Variants in SAMHD1 observed in about 807,000 individuals in gnomAD.
SAMHD1 encodes the protein deoxynucleoside triphosphate triphosphohydrolase SAMHD1.
SAMHD1 carries 54 observed loss-of-function variants against 79.6 expected under a neutral mutation model. The ratio of observed to expected loss-of-function variants is 0.68; its 90% confidence interval spans 0.55 to 0.85. The LOEUF is 0.85. Ranked by LOEUF, SAMHD1 falls within the 40% of genes least tolerant of loss-of-function variation. The pLI is 0.00. For missense variants in SAMHD1, 663 were observed against 782.7 expected (o/e 0.85, Z 1.82); for synonymous variants, 260 against 264.1 (o/e 0.98, Z 0.15).
rs867371686 is a variant in SAMHD1 at position 36,918,471 on chromosome 20, T to G, written c.852+893A>C. On this transcript the variant is annotated intron_variant, in intron 7 of 15. Coordinates refer to ENST00000646673, the MANE Select transcript of SAMHD1 (RefSeq NM_015474.4). ...ACATCTCCAAAAAAAAAAATTTTTT[T>G]TAATGAATAAAATACTGCATATATA... Among the ~76,000 whole-genome samples, 6 of 151,698 alleles carry G rather than the reference T, an allele frequency of 4.0e-5. No homozygotes were observed. In the South Asian group the frequency reaches 6.3e-4, roughly 16 times the overall value.
chr20:36,898,573 T>C (rs755418204), intron 13 of SAMHD1, 29 bp from the exon 14 acceptor site: 44 of 1,540,650 alleles, frequency 2.9e-5, no homozygotes, highest in Non-Finnish European at 1.7e-5. Context: ...CAAGTAATCA[T>C]ATAGCAAGCA....
intron 13 of SAMHD1, among the ~76,000 whole-genome samples, chr20:36,901,430 T>C (rs1161088140): frequency 1.3e-5 from 2 of 152,100 alleles, no homozygotes; most frequent in Non-Finnish European, 2.9e-5. Flanking sequence ...TGTCTCAAGA[T>C]AAACAAAAGT....
intron 15 of SAMHD1, among the ~76,000 whole-genome samples, chr20:36,896,609 G>A (rs1232679283): frequency 6.6e-5 from 10 of 151,950 alleles, no homozygotes; most frequent in Admixed American, 6.6e-4. Context: ...GGCCGAGGTG[G>A]GCGGATCACG....
chr20:36,894,183 T>C (rs1185539481), intron 15 of SAMHD1: 11 of 381,624 alleles, frequency 2.9e-5, no homozygotes, highest in African/African-American at 2.3e-4. Flanking sequence ...TTTTTTCTGT[T>C]GAACTACACT....
rs114850880 is a variant in SAMHD1, at chr20:36,926,710, A to C, written c.696+472T>G. Reference sequence around the variant, plus strand: ...ACCAACCTAATTTTACTTCTCAAAAATTGATTCCAAAATATGGGACAGCCA... The same window carrying C: ...ACCAACCTAATTTTACTTCTCAAAACTTGATTCCAAAATATGGGACAGCCA... On this transcript the variant is annotated intron_variant, in intron 6 of 15. Coordinates refer to ENST00000646673, the MANE Select transcript of SAMHD1 (RefSeq NM_015474.4). 4.6e-3 allele frequency among the ~76,000 whole-genome samples: 698 copies of C among 152,298 alleles called. 6 individuals are homozygous for C. Among genetic ancestry groups the C allele is most frequent in the African/African-American group, 0.016 (668 of 41,562 alleles).
intron 4 of SAMHD1, 59 bp from the exon 5 acceptor site, chr20:36,930,934 G>A (rs1246676160): frequency 2.6e-6 from 3 of 1,160,588 alleles, no homozygotes; most frequent in African/African-American, 1.5e-5. Flanking sequence ...GATAGTTCTG[G>A]TCCTCAAGAA....
intron 6 of SAMHD1, among the ~76,000 whole-genome samples, chr20:36,924,770 CAG>C (rs2063526692): frequency 6.6e-6 from 1 of 151,622 alleles, no homozygotes; most frequent in Admixed American, 6.6e-5. Flanking sequence ...AGTGTGGAAA[CAG>C]AACAGAATGC....
intron 13 of SAMHD1, among the ~76,000 whole-genome samples, chr20:36,900,042 C>T (rs973476798): frequency 2.0e-5 from 3 of 148,210 alleles, no homozygotes; most frequent in African/African-American, 7.5e-5. Flanking sequence ...TGCAGTGAGC[C>T]GAGATCGTGC....
chr20:36,892,391 GTT>G lies in SAMHD1; in HGVS notation c.*539_*540del, dbSNP rs1365440379. ...ACTCTTCACGGGGGCAGGATTTGATGTTTTGTTTTTAGCCATGTTTGTCAATG... is the reference window on the plus strand; with the variant it reads ...ACTCTTCACGGGGGCAGGATTTGATGTTGTTTTTAGCCATGTTTGTCAATG... On this transcript the variant is annotated 3_prime_UTR_variant, in exon 16 of 16. Transcript: ENST00000646673. 1 of 192,464 alleles carries G rather than the reference GTT, an allele frequency of 5.2e-6. No individual in the cohort carries two copies. Among genetic ancestry groups the G allele is most frequent in the Non-Finnish European group, 1.1e-5 (1 of 93,362 alleles). The allele number at this position is 192,464 out of a possible 1,614,324, so 11.9% of individuals were successfully genotyped here. A position where few individuals can be genotyped will look rare whatever the true frequency, so the allele number is the denominator to read the frequency against.
intron 4 of SAMHD1, among the ~76,000 whole-genome samples, chr20:36,932,526 G>A (rs1448922203): frequency 2.1e-5 from 3 of 140,604 alleles, no homozygotes; most frequent in Non-Finnish European, 4.5e-5. Flanking sequence ...CCTGATCTCA[G>A]CTCACTGCAA....
chr20:36,908,081 G>C (rs1188377992), intron 11 of SAMHD1, among the ~76,000 whole-genome samples: 2 of 151,656 alleles, frequency 1.3e-5, no homozygotes, highest in African/African-American at 2.4e-5. Flanking sequence ...TCACCATGTT[G>C]GTCAGGCTGG....
At chr20:36,940,825 T>C (rs757763959) in intron 3 of SAMHD1, 12 of 593,272 alleles carry the variant, frequency 2.0e-5, no homozygotes, top group African/African-American at 7.4e-5. Context: ...GGTCTACTTA[T>C]GCTTTTCTGT....
chr20:36,945,175 C>T (rs2146149367), intron 2 of SAMHD1, among the ~76,000 whole-genome samples: 1 of 152,272 alleles, frequency 6.6e-6, no homozygotes, highest in East Asian at 1.9e-4. Context: ...GTAGGTGGGA[C>T]TACAGGTGCA....
At chr20:36,914,306 C>T (rs1053641424) in intron 9 of SAMHD1, among the ~76,000 whole-genome samples, 2 of 152,024 alleles carry the variant, frequency 1.3e-5, no homozygotes, top group African/African-American at 4.8e-5. Context: ...GATCTACTTC[C>T]ACTTAATGAA....
intron 9 of SAMHD1, among the ~76,000 whole-genome samples, chr20:36,915,992 T>C (rs894722589): frequency 6.6e-6 from 1 of 152,020 alleles, no homozygotes; most frequent in Non-Finnish European, 1.5e-5. Context: ...ACCCTGTCTC[T>C]ACTAAAAATA....
intron 7 of SAMHD1, among the ~76,000 whole-genome samples, chr20:36,917,979 C>T (rs2063485583): frequency 6.6e-6 from 1 of 151,974 alleles, no homozygotes; most frequent in South Asian, 2.1e-4. Flanking sequence ...TGAACTGGTT[C>T]AACTTTTTTG....
intron 13 of SAMHD1, among the ~76,000 whole-genome samples, chr20:36,900,235 C>T (rs1468447980): frequency 6.6e-6 from 1 of 152,104 alleles, no homozygotes; most frequent in Non-Finnish European, 1.5e-5. Context: ...ATGACTACGA[C>T]TATAGTTAAC....
At chr20:36,911,638 A>T (rs1317517001) in intron 10 of SAMHD1, 3 of 293,922 alleles carry the variant, frequency 1.0e-5, no homozygotes, top group Non-Finnish European at 2.0e-5. Flanking sequence ...GATTTAACCA[A>T]GTTAGGAAGA....
chr20:36,922,156 A>G (rs1165159829), intron 6 of SAMHD1, among the ~76,000 whole-genome samples: 2 of 152,234 alleles, frequency 1.3e-5, no homozygotes, highest in African/African-American at 2.4e-5. Flanking sequence ...CTCCAGATCA[A>G]AAGAAACTAG....
Sources: allele counts gnomAD v4.1 joint callset (sites outside exome capture counted in the v4.1 genomes callset), GRCh38; gene constraint gnomAD v4.1.1; transcripts MANE v1.5; gene names NCBI Gene and HGNC (gene_info 2026-07-23, HGNC 2026-07-21).